ZNF254: variants seen among roughly 807,000 people sequenced by gnomAD.
The protein encoded by ZNF254 is zinc finger protein 254.
A neutral mutation model predicts 12.4 loss-of-function variants in ZNF254; 10 were observed. The observed-to-expected ratio is 0.80, with a 90% CI of 0.50 to 1.36. The LOEUF is 1.36. Ranked by LOEUF, ZNF254 falls within the 40% of genes most tolerant of loss-of-function variation. The pLI is 0.00. For missense variants in ZNF254, 996 were observed against 763.9 expected (o/e 1.30, Z -3.58); for synonymous variants, 305 against 253.4 (o/e 1.20, Z -1.93).
At chr19:24,053,108 C>A (rs1970710134) in intron 2 of ZNF254, among the ~76,000 whole-genome samples, 1 of 152,056 alleles carries the variant, frequency 6.6e-6, no homozygotes. Flanking sequence ...AATCTCATAC[C>A]CAGATGAAGT....
intron 1 of ZNF254, among the ~76,000 whole-genome samples, chr19:24,040,992 G>T (rs1411382048): frequency 6.6e-6 from 1 of 152,234 alleles, no homozygotes; most frequent in Non-Finnish European, 1.5e-5. Flanking sequence ...TCCAAAACCT[G>T]CAGAATCACA....
At chr19:24,117,214 G>A (rs185877002) in intron 3 of ZNF254, among the ~76,000 whole-genome samples, 46 of 152,260 alleles carry the variant, frequency 3.0e-4, no homozygotes, top group African/African-American at 9.4e-4. Flanking sequence ...GAGAACCACT[G>A]CTCTCTTCAA....
intron 2 of ZNF254, among the ~76,000 whole-genome samples, chr19:24,046,576 CA>C (rs1970398576): frequency 6.6e-6 from 1 of 151,712 alleles, no homozygotes; most frequent in South Asian, 2.1e-4. Flanking sequence ...ACACACAATT[CA>C]AAATATACAT....
chr19:24,042,894 C>T (rs943316975), intron 1 of ZNF254, among the ~76,000 whole-genome samples: 1 of 152,168 alleles, frequency 6.6e-6, no homozygotes, highest in African/African-American at 2.4e-5. Flanking sequence ...AGTTTCTTCA[C>T]TATAAAGTTA....
chr19:24,113,703 G>A (rs1448142912), intron 3 of ZNF254, among the ~76,000 whole-genome samples: 1 of 152,082 alleles, frequency 6.6e-6, no homozygotes, highest in Admixed American at 6.6e-5. Context: ...GGCAGGAGAA[G>A]GAAATAAAGG....
intron 1 of ZNF254, among the ~76,000 whole-genome samples, chr19:24,040,132 A>G (rs1274054441): frequency 6.6e-6 from 1 of 152,138 alleles, no homozygotes; most frequent in Non-Finnish European, 1.5e-5. Context: ...ATCCAGACCT[A>G]TGCTCTATGA....
intron 3 of ZNF254, among the ~76,000 whole-genome samples, chr19:24,116,641 A>G (rs542969500): frequency 1.4e-5 from 2 of 146,112 alleles, no homozygotes; most frequent in African/African-American, 5.3e-5. Flanking sequence ...TTTGGTTTGA[A>G]TTTCCTCCTG....
intron 1 of ZNF254, among the ~76,000 whole-genome samples, chr19:24,093,113 T>C (rs911581840): frequency 6.6e-6 from 1 of 152,182 alleles, no homozygotes; most frequent in Non-Finnish European, 1.5e-5. Flanking sequence ...AAAGCATCTT[T>C]TTCAAGTTTT....
In ZNF254 at chr19:24,127,753, C is replaced by T. The variant is rs146672619; in HGVS notation, c.1753C>T (p.Arg585Trp). The change falls in exon 4 of 4, where the codon CGG (arginine) becomes TGG (tryptophan). Residue 585 changes from arginine to tryptophan, a missense_variant. Transcript: ENST00000357002. ...KCEECGKSFNRSSTFTKHKVI... is the reference protein window; with the variant it reads ...KCEECGKSFNWSSTFTKHKVI... The stretch of plus-strand genomic sequence containing the variant: ...TGAAGAATGTGGCAAATCTTTTAAC[C>T]GGTCTTCAACTTTTACTAAACATAA... The T allele has an allele frequency of 2.9e-3, 4,596 of 1,611,838 alleles. 12 individuals carry two copies. Among genetic ancestry groups the T allele is most frequent in the Non-Finnish European group, 3.6e-3 (4,290 of 1,179,364 alleles).
At chr19:24,085,854 T>G (rs1972019410), upstream of ZNF254, among the ~76,000 whole-genome samples, 1 of 152,148 alleles carries the variant, frequency 6.6e-6, no homozygotes, top group South Asian at 2.1e-4. Flanking sequence ...TTTGAAATTA[T>G]TTAAAGGTTG....
chr19:24,125,683 G>A (rs1974785837), intron 3 of ZNF254, among the ~76,000 whole-genome samples: 1 of 152,106 alleles, frequency 6.6e-6, no homozygotes, highest in Non-Finnish European at 1.5e-5. Context: ...TTAATTTGTA[G>A]CGTCATCACT....
chr19:24,100,339 C>T (rs1292106921), intron 1 of ZNF254, among the ~76,000 whole-genome samples: 5 of 150,002 alleles, frequency 3.3e-5, no homozygotes, highest in East Asian at 3.9e-4. Context: ...TCCACCCATC[C>T]GGGACCTAAA....
At chr19:24,036,423 G>C (rs1180449507) in intron 1 of ZNF254, among the ~76,000 whole-genome samples, 4 of 152,016 alleles carry the variant, frequency 2.6e-5, no homozygotes, top group Non-Finnish European at 5.9e-5. Context: ...AAGATTATGA[G>C]AGCCCCCAGT....
In ZNF254 at chr19:24,087,209, G is replaced by C. The variant is rs898424612; in HGVS notation, c.-99G>C. The C allele has an allele frequency of 1.2e-5, 19 of 1,533,808 alleles. No homozygotes were observed. Among genetic ancestry groups the C allele is most frequent in the East Asian group, 2.3e-5 (1 of 43,952 alleles). ...GGGGCCTTTGTCTCTCGCTGTCGCCGGAGTCCCAGGTCTGTCTTCACTGCT... is the reference window on the plus strand; with the variant it reads ...GGGGCCTTTGTCTCTCGCTGTCGCCCGAGTCCCAGGTCTGTCTTCACTGCT... On this transcript the variant is annotated 5_prime_UTR_variant, in exon 1 of 4. Transcript: ENST00000357002.
At chr19:24,093,897 T>C (rs1910561911) in intron 1 of ZNF254, among the ~76,000 whole-genome samples, 1 of 152,208 alleles carries the variant, frequency 6.6e-6, no homozygotes, top group Non-Finnish European at 1.5e-5. Context: ...TTTTAGGATA[T>C]TGATCTTTTC....
intron 2 of ZNF254, among the ~76,000 whole-genome samples, chr19:24,050,391 C>T (rs1047914069): frequency 6.6e-6 from 1 of 152,148 alleles, no homozygotes; most frequent in Non-Finnish European, 1.5e-5. Flanking sequence ...AACTCCTGAC[C>T]TCAGCCAGTC....
At chr19:24,074,120 CAT>C (rs777499592) in intron 2 of ZNF254, among the ~76,000 whole-genome samples, 4 of 152,206 alleles carry the variant, frequency 2.6e-5, no homozygotes, top group Non-Finnish European at 5.9e-5. Context: ...GTCATTGTGA[CAT>C]ATTGCTATGT....
chr19:24,075,011 C>T (rs1971608891), intron 2 of ZNF254, among the ~76,000 whole-genome samples: 1 of 152,196 alleles, frequency 6.6e-6, no homozygotes, highest in African/African-American at 2.4e-5. Context: ...CTGATCTCTG[C>T]ATACATGTAT....
At chr19:24,109,908 T>G (rs1452962002) in intron 3 of ZNF254, among the ~76,000 whole-genome samples, 5 of 151,470 alleles carry the variant, frequency 3.3e-5, no homozygotes, top group Non-Finnish European at 7.4e-5. Context: ...TTTTTTTTTT[T>G]TAGTAGAGAC....
Sources: allele counts gnomAD v4.1 joint callset (sites outside exome capture counted in the v4.1 genomes callset), GRCh38; gene constraint gnomAD v4.1.1; transcripts MANE v1.5; gene names NCBI Gene and HGNC (gene_info 2026-07-23, HGNC 2026-07-21).